GALNT18: variants seen among roughly 807,000 people sequenced by gnomAD.
GALNT18 encodes the protein polypeptide N-acetylgalactosaminyltransferase 18.
Under a neutral mutation model 69.5 loss-of-function variants are expected in GALNT18, and 44 were observed. The ratio of observed to expected loss-of-function variants is 0.63; its 90% CI spans 0.50 to 0.81. The LOEUF (loss-of-function observed/expected upper bound fraction) is 0.81, where lower values mean the gene tolerates loss of function less well. Among genes scored for constraint, GALNT18 ranks in the 40% least tolerant of loss-of-function variants. The pLI, the probability that GALNT18 is intolerant of heterozygous loss-of-function variation, is 0.00. For synonymous variants in GALNT18, 364 were observed against 318.2 expected, an observed-to-expected ratio of 1.14 and a Z score of -1.53; for missense variants, 715 against 810.0, an observed-to-expected ratio of 0.88 and a Z score of 1.42.
At chr11:11,296,853 T>C (rs1214174508) in intron 9 of GALNT18, among the ~76,000 whole-genome samples, 1 of 152,174 alleles carries the variant, frequency 6.6e-6, no homozygotes, top group Non-Finnish European at 1.5e-5. Context: ...AAGAGGATTT[T>C]CTCAAGTCCT....
intron 1 of GALNT18, among the ~76,000 whole-genome samples, chr11:11,474,402 G>A (rs1856342205): frequency 1.3e-5 from 2 of 152,338 alleles, no homozygotes; most frequent in Admixed American, 1.3e-4. Context: ...GGGAAAGATC[G>A]TACAGGACCT....
At chr11:11,457,034 T>C (rs1322133520) in intron 1 of GALNT18, among the ~76,000 whole-genome samples, 3 of 152,190 alleles carry the variant, frequency 2.0e-5, no homozygotes, top group Non-Finnish European at 4.4e-5. Context: ...CATGGGCTAA[T>C]TGGCCAAGCA....
At chr11:11,326,234 T>C (rs1392123782) in intron 9 of GALNT18, among the ~76,000 whole-genome samples, 1 of 151,938 alleles carries the variant, frequency 6.6e-6, no homozygotes, top group African/African-American at 2.4e-5. Flanking sequence ...TTAGTAGAGA[T>C]GGGGTTTCAC....
intron 1 of GALNT18, among the ~76,000 whole-genome samples, chr11:11,536,065 T>C (rs866667928): frequency 6.6e-6 from 1 of 152,196 alleles, no homozygotes; most frequent in Non-Finnish European, 1.5e-5. Flanking sequence ...CAAGCAGATC[T>C]TTCAACCTAG....
chr11:11,569,113 C>A (rs936913022), intron 1 of GALNT18, among the ~76,000 whole-genome samples: 2 of 152,044 alleles, frequency 1.3e-5, no homozygotes, highest in Non-Finnish European at 2.9e-5. Flanking sequence ...TTACTAACAC[C>A]CAGAGGGCAC....
At position 11,565,144 on chromosome 11, in the gene GALNT18, T is replaced by C. The variant is rs1858612315; in HGVS notation, c.235+56215A>G. On this transcript the variant is annotated intron_variant, in intron 1 of 10. Coordinates refer to ENST00000227756, the MANE Select transcript of GALNT18 (RefSeq NM_198516.3). ...CACTTCCTAACCATAAGACCATCAC[T>C]GTTTGCCTCCACTGCCTCATCTGGA... 2.0e-5 allele frequency among the ~76,000 whole-genome samples: 3 copies of C among 152,320 alleles called. No homozygotes were observed. The South Asian group carries it at 6.2e-4, about 32-fold the overall frequency.
chr11:11,311,534 C>G (rs893289023), intron 9 of GALNT18, among the ~76,000 whole-genome samples: 1 of 152,156 alleles, frequency 6.6e-6, no homozygotes, highest in South Asian at 2.1e-4. Context: ...TGTTTCCTGC[C>G]TGGGGGTTGA....
rs562259005 is a variant in GALNT18, at chr11:11,555,082, C to G, written c.235+66277G>C. Among the ~76,000 whole-genome samples, 2 of 152,336 alleles carry G rather than the reference C, an allele frequency of 1.3e-5. No homozygotes were observed. The highest frequency in any genetic ancestry group is 4.8e-5 in the African/African-American group (2 of 41,592). Reference sequence around the variant, plus strand: ...AGTGTCTATCATTTCTGCCATTCTACAGTTGTGGAAATTGACACTTAAAGA... The same window carrying G: ...AGTGTCTATCATTTCTGCCATTCTAGAGTTGTGGAAATTGACACTTAAAGA... On this transcript the variant is annotated intron_variant, in intron 1 of 10. Transcript: ENST00000227756. The surrounding 1 kb of genome is among the most constrained non-coding windows in gnomAD (Gnocchi z 4.7).
At chr11:11,366,805 C>A (rs1850781334) in intron 6 of GALNT18, among the ~76,000 whole-genome samples, 1 of 152,222 alleles carries the variant, frequency 6.6e-6, no homozygotes, top group Middle Eastern at 3.4e-3. Flanking sequence ...TCTTTCATCC[C>A]TCATGCTCTG....
chr11:11,377,347 T>G lies in GALNT18; in HGVS notation c.812A>C (p.Asn271Thr). 4 of 1,613,942 alleles carry G rather than the reference T, an allele frequency of 2.5e-6. No individual in the cohort carries two copies. The highest frequency in any genetic ancestry group is 3.4e-6 in the Non-Finnish European group (4 of 1,180,008). Reference sequence around the variant, plus strand: ...GGATGGCGAGATGATCCGCTTCCGGTTCTCCTTGATGCGGGTGAGTACAGG... The same window carrying G: ...GGATGGCGAGATGATCCGCTTCCGGGTCTCCTTGATGCGGGTGAGTACAGG... Reference protein sequence around the residue: ...AEPVLTRIKENRKRIISPSFD... With the variant: ...AEPVLTRIKETRKRIISPSFD... Residue 271 changes from asparagine to threonine, a missense_variant, in exon 5 of 11, where the codon AAC becomes ACC. Asn to Thr is a moderately conservative substitution (Grantham distance 65). Transcript: ENST00000227756. This position sits in a 1 kb window ranked among gnomAD's most constrained non-coding sequence, Gnocchi z 4.6.
intron 3 of GALNT18, among the ~76,000 whole-genome samples, chr11:11,427,109 T>C (rs1329165714): frequency 6.6e-6 from 1 of 152,102 alleles, no homozygotes; most frequent in African/African-American, 2.4e-5. Context: ...CAAACTCAAA[T>C]GCTAAAGTTT....
Position 11,271,298 on chromosome 11 carries a change from C to A in GALNT18, c.1678-8G>T. On this transcript the variant is annotated splice_polypyrimidine_tract_variant and splice_region_variant and intron_variant, in intron 10 of 10. Transcript: ENST00000227756. The stretch of plus-strand genomic sequence containing the variant: ...GTTCTGGATGGGTCCTCCCTAGGGG[C>A]CAGGGCAGACAGTGGGGTCAGAGGG... 2 of 1,612,182 alleles carry A rather than the reference C, an allele frequency of 1.2e-6. No individual in the cohort carries two copies. The highest frequency in any genetic ancestry group is 1.7e-6 in the Non-Finnish European group (2 of 1,178,466).
rs914597410 is a variant in GALNT18, at chr11:11,436,315, T to A, written c.429-3528A>T. ...TCCACAAGATTGAGGCTCTTCTATCTTACGTTTTCCAACTTCCCCTCCCTC... is the reference window on the plus strand; with the variant it reads ...TCCACAAGATTGAGGCTCTTCTATCATACGTTTTCCAACTTCCCCTCCCTC... On this transcript the variant is annotated intron_variant, in intron 2 of 10. Transcript: ENST00000227756. This position sits in a 1 kb window ranked among gnomAD's most constrained non-coding sequence, Gnocchi z 4.5. Among the ~76,000 whole-genome samples the A allele has an allele frequency of 2.0e-5, 3 of 152,164 alleles. No individual in the cohort carries two copies. The highest frequency in any genetic ancestry group is 7.2e-5 in the African/African-American group (3 of 41,444).
intron 10 of GALNT18, among the ~76,000 whole-genome samples, chr11:11,282,493 T>C (rs1849101223): frequency 6.6e-6 from 1 of 152,210 alleles, no homozygotes; most frequent in Non-Finnish European, 1.5e-5. Context: ...CTGGGAGACT[T>C]GTCCAGGGTC....
Position 11,511,459 on chromosome 11 carries a change from T to A in GALNT18, c.236-62523A>T, listed in dbSNP as rs1053265438. On this transcript the variant is annotated intron_variant, in intron 1 of 10. Transcript: ENST00000227756. This position sits in a 1 kb window ranked among gnomAD's most constrained non-coding sequence, Gnocchi z 4.9. Reference sequence around the variant, plus strand: ...GACCCCATACATGTGATCCCCAGAATAGGCCCCAGACAATCCTGAGGAGAC... The same window carrying A: ...GACCCCATACATGTGATCCCCAGAAAAGGCCCCAGACAATCCTGAGGAGAC... Among the ~76,000 whole-genome samples, 2 of 152,170 alleles carry A rather than the reference T, an allele frequency of 1.3e-5. No individual in the cohort carries two copies. Among genetic ancestry groups the A allele is most frequent in the African/African-American group, 4.8e-5 (2 of 41,438 alleles).
At chr11:11,375,304 A>G (rs1853719205) in intron 5 of GALNT18, among the ~76,000 whole-genome samples, 2 of 152,192 alleles carry the variant, frequency 1.3e-5, no homozygotes, top group African/African-American at 4.8e-5. Context: ...TCCCTCAACC[A>G]AGTTTTTGAT....
chr11:11,484,391 G>C (rs1053051856), intron 1 of GALNT18, among the ~76,000 whole-genome samples: 4 of 152,032 alleles, frequency 2.6e-5, no homozygotes, highest in Admixed American at 2.0e-4. Flanking sequence ...TCGGGAGTTT[G>C]AGACCAGCCT....
rs1859111671 is a variant in GALNT18 at position 11,582,576 on chromosome 11, A to G, written c.235+38783T>C. ...CTCTTTTCCTCTGCCACAAGATGGAAACAATAGCTGCTCCCTCAGCCCAGT... is the reference window on the plus strand; with the variant it reads ...CTCTTTTCCTCTGCCACAAGATGGAGACAATAGCTGCTCCCTCAGCCCAGT... On this transcript the variant is annotated intron_variant, in intron 1 of 10. Coordinates refer to ENST00000227756, the MANE Select transcript of GALNT18 (RefSeq NM_198516.3). The surrounding 1 kb of genome is among the most constrained non-coding windows in gnomAD (Gnocchi z 5.0). Among the ~76,000 whole-genome samples the G allele has an allele frequency of 6.6e-6, 1 of 152,234 alleles. No individual in the cohort carries two copies.
chr11:11,579,015 G>GC, intron 1 of GALNT18, among the ~76,000 whole-genome samples: 1 of 152,318 alleles, frequency 6.6e-6, no homozygotes, highest in East Asian at 1.9e-4. Flanking sequence ...AGGAAGGGCA[G>GC]CATCACAGGG....
Sources: gnomAD v4.1 joint callset for allele counts (sites outside exome capture counted in the v4.1 genomes callset) on GRCh38, gnomAD v4.1.1 for gene constraint, Gnocchi (gnomAD v3.1) non-coding constraint, MANE v1.5 for transcripts, NCBI Gene and HGNC (gene_info 2026-07-23, HGNC 2026-07-21) for gene names.